Variants in UGT1A10 observed in about 807,000 individuals in gnomAD.
The protein encoded by UGT1A10 is UDP-glucuronosyltransferase 1A10.
Under a neutral mutation model 45.8 loss-of-function variants are expected in UGT1A10, and 49 were observed. The observed-to-expected ratio is 1.07, with a 90% confidence interval of 0.85 to 1.36. UGT1A10 has a LOEUF of 1.36. UGT1A10 is among the 40% of genes most tolerant of loss of function. The pLI, the probability that UGT1A10 is intolerant of heterozygous loss-of-function variation, is 0.00. For missense variants in UGT1A10, 745 were observed against 668.6 expected, an observed-to-expected ratio of 1.11 and a Z score of -1.26; for synonymous variants, 284 against 249.7, an observed-to-expected ratio of 1.14 and a Z score of -1.29.
At chr2:233,719,559 G>A (rs2076780639) in intron 1 of UGT1A10, 2 of 1,613,878 alleles carry the variant, frequency 1.2e-6, no homozygotes, top group Non-Finnish European at 1.7e-6. Flanking sequence ...GTCAGTGGTG[G>A]ATCTTGTCAG....
chr2:233,658,210 G>A (rs985871352), intron 1 of UGT1A10, among the ~76,000 whole-genome samples: 19 of 152,050 alleles, frequency 1.2e-4, no homozygotes, highest in African/African-American at 3.6e-4. Context: ...GTAGACACAG[G>A]GTTTCACCAT....
intron 1 of UGT1A10, chr2:233,719,293 G>A (rs149433426): frequency 1.9e-6 from 3 of 1,613,970 alleles, no homozygotes; most frequent in Middle Eastern, 1.7e-4. Context: ...AACCTCTGTG[G>A]GGCGGTGCTG....
At chr2:233,742,512 C>T (rs924249262) in intron 1 of UGT1A10, among the ~76,000 whole-genome samples, 15 of 151,990 alleles carry the variant, frequency 9.9e-5, no homozygotes, top group African/African-American at 3.6e-4. Context: ...ATCATGAACA[C>T]GTCACAGTGC....
chr2:233,641,869 C>T (rs997845584), intron 1 of UGT1A10, among the ~76,000 whole-genome samples: 1 of 152,146 alleles, frequency 6.6e-6, no homozygotes, highest in Non-Finnish European at 1.5e-5. Context: ...GAAAAGGCTG[C>T]TGCCAGATGT....
At chr2:233,643,783 G>T (rs1208491755) in intron 1 of UGT1A10, among the ~76,000 whole-genome samples, 1 of 152,078 alleles carries the variant, frequency 6.6e-6, no homozygotes, top group Non-Finnish European at 1.5e-5. Flanking sequence ...GGCAGGACTG[G>T]GCCCTTTCTT....
intron 1 of UGT1A10, among the ~76,000 whole-genome samples, chr2:233,716,995 G>T (rs1230366985): frequency 6.6e-6 from 1 of 152,142 alleles, no homozygotes; most frequent in Non-Finnish European, 1.5e-5. Flanking sequence ...GCTGTCCTCA[G>T]GGCCCCTATG....
At chr2:233,698,734 C>T (rs2075459166) in intron 1 of UGT1A10, among the ~76,000 whole-genome samples, 2 of 152,196 alleles carry the variant, frequency 1.3e-5, no homozygotes, top group African/African-American at 4.8e-5. Context: ...AGCTTGGTGA[C>T]CATTTTTTAC....
intron 1 of UGT1A10, among the ~76,000 whole-genome samples, chr2:233,677,695 G>A (rs2074396961): frequency 6.6e-6 from 1 of 152,040 alleles, no homozygotes; most frequent in Non-Finnish European, 1.5e-5. Flanking sequence ...TGGTGAGGCT[G>A]CTGAGAAAAG....
chr2:233,757,967 C>T (rs187620660), intron 1 of UGT1A10, among the ~76,000 whole-genome samples: 98 of 152,288 alleles, frequency 6.4e-4, no homozygotes, highest in African/African-American at 2.2e-3. Flanking sequence ...TGTGATTTCT[C>T]AGCCCCTAGA....
At chr2:233,700,854 T>C (rs1009974165) in intron 1 of UGT1A10, among the ~76,000 whole-genome samples, 11 of 152,244 alleles carry the variant, frequency 7.2e-5, no homozygotes, top group African/African-American at 2.2e-4. Context: ...GTATATCTCC[T>C]AATGCTATCC....
chr2:233,755,027 C>A (rs759197919), intron 1 of UGT1A10: 14 of 1,309,218 alleles, frequency 1.1e-5, no homozygotes, highest in Non-Finnish European at 1.4e-5. Flanking sequence ...CCTTGAAGGG[C>A]CTGCCGCCTG....
Position 233,709,184 on chromosome 2 carries a change from T to C in UGT1A10, c.856-57850T>C, listed in dbSNP as rs536582073. On this transcript the variant is annotated intron_variant, in intron 1 of 4. Transcript: ENST00000344644. ...CTAGGTCACATGTTCTATCCTGAGC[T>C]GGGAGTGGATCCTCACCAGAAGTAC... Among the ~76,000 whole-genome samples the C allele has an allele frequency of 5.9e-5, 9 of 152,238 alleles. No homozygotes were observed. The East Asian group carries it at 7.7e-4, about 13-fold the overall frequency.
chr2:233,672,781 T>G, intron 1 of UGT1A10: 3 of 1,613,358 alleles, frequency 1.9e-6, no homozygotes, highest in Non-Finnish European at 2.5e-6. Context: ...GGGAAAGCCG[T>G]TGCCTATGGT....
At chr2:233,767,305 G>T (rs907806050) in intron 2 of UGT1A10, 140 bp downstream of exon 2, 20 of 1,519,058 alleles carry the variant, frequency 1.3e-5, no homozygotes, top group Non-Finnish European at 1.7e-5. Context: ...TAATCCAAAG[G>T]TTTTTTTTGT....
chr2:233,677,523 T>A (rs1347781617), intron 1 of UGT1A10, among the ~76,000 whole-genome samples: 1 of 152,126 alleles, frequency 6.6e-6, no homozygotes, highest in Non-Finnish European at 1.5e-5. Context: ...ATTATGACAA[T>A]GCAGCTAGCT....
intron 1 of UGT1A10, among the ~76,000 whole-genome samples, chr2:233,714,851 A>G (rs938283407): frequency 3.9e-5 from 6 of 152,152 alleles, no homozygotes; most frequent in Non-Finnish European, 5.9e-5. Flanking sequence ...TAAATATTCC[A>G]TGGATAAAAC....
At chr2:233,766,971 A>G (rs769177470) in intron 1 of UGT1A10, 63 bp from the exon 2 acceptor site, 76 of 1,610,288 alleles carry the variant, frequency 4.7e-5, no homozygotes, top group Non-Finnish European at 6.1e-5. Flanking sequence ...TTCATAACTT[A>G]CTGTATGTAG....
chr2:233,637,975 T>C (rs1327297597), intron 1 of UGT1A10, among the ~76,000 whole-genome samples: 1 of 152,132 alleles, frequency 6.6e-6, no homozygotes, highest in Non-Finnish European at 1.5e-5. Flanking sequence ...TATTGATATA[T>C]ATATAGCCAT....
intron 1 of UGT1A10, among the ~76,000 whole-genome samples, chr2:233,651,108 G>T (rs181941188): frequency 6.6e-6 from 1 of 152,148 alleles, no homozygotes; most frequent in Admixed American, 6.5e-5. Context: ...TCAGCTCTTG[G>T]CAAGAACAGG....
Sources: gnomAD v4.1 joint callset for allele counts (sites outside exome capture counted in the v4.1 genomes callset) on GRCh38, gnomAD v4.1.1 for gene constraint, MANE v1.5 for transcripts, NCBI Gene and HGNC (gene_info 2026-07-23, HGNC 2026-07-21) for gene names.